Variants in VPS13D observed in about 807,000 individuals in gnomAD.
VPS13D encodes the protein vacuolar protein sorting 13 homolog D.
In VPS13D, 187 loss-of-function variants were observed where a neutral mutation model predicts 461.9. That is an observed-to-expected ratio of 0.40 (90% CI 0.36 to 0.46). The LOEUF (loss-of-function observed/expected upper bound fraction) is 0.46, where lower values mean the gene tolerates loss of function less well. VPS13D is among the 20% of genes least tolerant of loss of function. The pLI is 0.60. For synonymous variants in VPS13D, 1,951 were observed against 1,986.3 expected (o/e 0.98, Z 0.47); for missense variants, 4,711 against 5,364.9 (o/e 0.88, Z 3.81).
intron 67 of VPS13D, among the ~76,000 whole-genome samples, chr1:12,471,610 T>C (rs1347674757): frequency 6.6e-6 from 1 of 152,208 alleles, no homozygotes; most frequent in Non-Finnish European, 1.5e-5. Flanking sequence ...CATGTTGTTA[T>C]ACATACATGT....
chr1:12,234,418 A>ATTT, intron 2 of VPS13D, 55 bp downstream of exon 2: 1 of 1,457,224 alleles, frequency 6.9e-7, no homozygotes, highest in Non-Finnish European at 9.5e-7. Flanking sequence ...CTATTTTTGT[A>ATTT]TTTTTTTTGT....
chr1:12,286,137 G>A (rs936542535), intron 21 of VPS13D, among the ~76,000 whole-genome samples: 5 of 151,494 alleles, frequency 3.3e-5, no homozygotes, highest in African/African-American at 9.7e-5. Context: ...GAGTGCAATG[G>A]CATGATCTTG....
At chr1:12,347,460 G>A (rs146234615) in intron 44 of VPS13D, among the ~76,000 whole-genome samples, 4 of 152,288 alleles carry the variant, frequency 2.6e-5, no homozygotes, top group African/African-American at 9.6e-5. Flanking sequence ...GTGAGCCAAC[G>A]CGCCCAGCCT....
intron 1 of VPS13D, among the ~76,000 whole-genome samples, chr1:12,233,110 A>G (rs992227834): frequency 2.1e-4 from 31 of 150,598 alleles, no homozygotes; most frequent in Admixed American, 2.1e-3. Flanking sequence ...GGTTCAAGGG[A>G]TTCTCCTGCC....
chr1:12,418,334 C>A (rs903688679), intron 65 of VPS13D, among the ~76,000 whole-genome samples: 4 of 152,188 alleles, frequency 2.6e-5, no homozygotes, highest in African/African-American at 9.7e-5. Context: ...TTCCCTTACC[C>A]CTCACGCATC....
Position 12,358,567 on chromosome 1 carries a change from G to A in VPS13D, c.10107G>A (p.Gln3369=), listed in dbSNP as rs765809320. Residue 3369 remains glutamine, a synonymous_variant, in exon 50 of 70, where the codon CAG becomes CAA. Transcript: ENST00000620676. ...GTGTCCGAGCTTTGAAAGTCATCCA[G>A]CAAGGAAACCGCCCAGGGCTGATCT... ...GSGVRALKVI[Q]QGNRPGLIYN... is the part of the protein sequence containing the mutation. 6.2e-7 allele frequency: 1 copy of A among 1,614,014 alleles called. No homozygotes were observed. The highest frequency in any genetic ancestry group is 8.5e-7 in the Non-Finnish European group (1 of 1,180,040).
intron 10 of VPS13D, among the ~76,000 whole-genome samples, chr1:12,259,304 C>T (rs1641025790): frequency 6.6e-6 from 1 of 151,338 alleles, no homozygotes; most frequent in African/African-American, 2.4e-5. Flanking sequence ...TCACCACCCC[C>T]AGCCTACTCT....
chr1:12,296,987 T>C (rs1569840651), intron 24 of VPS13D, among the ~76,000 whole-genome samples: 1 of 152,340 alleles, frequency 6.6e-6, no homozygotes, highest in East Asian at 1.9e-4. Context: ...GTTAAAGGAA[T>C]GTCTTTCTAT....
intron 67 of VPS13D, among the ~76,000 whole-genome samples, chr1:12,463,382 A>C (rs1350203353): frequency 6.6e-6 from 1 of 152,238 alleles, no homozygotes; most frequent in African/African-American, 2.4e-5. Flanking sequence ...GAAGGGATAC[A>C]TAGCAGCCGT....
At chr1:12,405,781 T>C (rs945819125) in intron 63 of VPS13D, among the ~76,000 whole-genome samples, 3 of 152,236 alleles carry the variant, frequency 2.0e-5, no homozygotes, top group Non-Finnish European at 4.4e-5. Flanking sequence ...CCCAGAGCAC[T>C]TGGCACTTGC....
Position 12,272,986 on chromosome 1 carries a change from C to G in VPS13D, c.2104-17C>G, listed in dbSNP as rs762137549. ...GGGTTTCGGCAGTTATGGTTAATGA[C>G]TGTTTTATTTGTACAGGAGGAGAGT... On this transcript the variant is annotated splice_polypyrimidine_tract_variant and intron_variant, in intron 17 of 69. Transcript: ENST00000620676. 8 of 1,610,554 alleles carry G rather than the reference C, an allele frequency of 5.0e-6. No homozygotes were observed. Among genetic ancestry groups the G allele is most frequent in the Non-Finnish European group, 5.1e-6 (6 of 1,178,672 alleles).
At chr1:12,480,989 C>T (rs1645707636) in intron 67 of VPS13D, among the ~76,000 whole-genome samples, 1 of 152,200 alleles carries the variant, frequency 6.6e-6, no homozygotes, top group African/African-American at 2.4e-5. Context: ...CTTCTCTCCA[C>T]CCCAAGGAAC....
intron 44 of VPS13D, among the ~76,000 whole-genome samples, chr1:12,348,164 C>A (rs184230393): frequency 4.6e-5 from 7 of 152,290 alleles, no homozygotes; most frequent in Admixed American, 2.6e-4. Context: ...GCAGACAATT[C>A]TTTCTTTTAC....
chr1:12,272,816 T>G (rs1641491617), intron 17 of VPS13D, among the ~76,000 whole-genome samples, 187 bp from the exon 18 acceptor site: 1 of 152,240 alleles, frequency 6.6e-6, no homozygotes, highest in Non-Finnish European at 1.5e-5. Flanking sequence ...GTTCAGATAC[T>G]TGTCTGTGGT....
At chr1:12,302,136 C>A (rs1169228662) in intron 25 of VPS13D, among the ~76,000 whole-genome samples, 1 of 152,200 alleles carries the variant, frequency 6.6e-6, no homozygotes, top group South Asian at 2.1e-4. Flanking sequence ...TGTATCTGAA[C>A]ATATCTAAAT....
intron 67 of VPS13D, among the ~76,000 whole-genome samples, chr1:12,489,977 C>T (rs1246114966): frequency 6.6e-6 from 1 of 152,236 alleles, no homozygotes; most frequent in Non-Finnish European, 1.5e-5. Context: ...GCTGCCTACT[C>T]TAGTGCTCCC....
At chr1:12,338,210 T>A (rs1643491300) in intron 39 of VPS13D, 21 bp from the exon 40 acceptor site, 2 of 1,602,654 alleles carry the variant, frequency 1.2e-6, no homozygotes. Flanking sequence ...AGCCTCTAAC[T>A]TTGTCTCTCC....
chr1:12,479,693 T>C (rs1645687710), intron 67 of VPS13D, among the ~76,000 whole-genome samples: 1 of 152,102 alleles, frequency 6.6e-6, no homozygotes, highest in Non-Finnish European at 1.5e-5. Context: ...CTGGGCCATC[T>C]CTCGGTCCCT....
At position 12,485,262 on chromosome 1, in the gene VPS13D, C is replaced by T. The variant is rs114880437; in HGVS notation, c.12663-12238C>T. Reference sequence around the variant, plus strand: ...TGAGGACTGTGAAGAGGGTTCTGAGCGGCTGTTCTCTCCTGACCTGACCGC... The same window carrying T: ...TGAGGACTGTGAAGAGGGTTCTGAGTGGCTGTTCTCTCCTGACCTGACCGC... On this transcript the variant is annotated intron_variant, in intron 67 of 69. Coordinates refer to ENST00000620676, the MANE Select transcript of VPS13D (RefSeq NM_015378.4). 3.7e-3 allele frequency among the ~76,000 whole-genome samples: 567 copies of T among 152,344 alleles called. 3 individuals are homozygous for T. The highest frequency in any genetic ancestry group is 0.013 in the African/African-American group (545 of 41,578).
Sources: gnomAD v4.1 joint callset for allele counts (sites outside exome capture counted in the v4.1 genomes callset) on GRCh38, gnomAD v4.1.1 for gene constraint, MANE v1.5 for transcripts, NCBI Gene and HGNC (gene_info 2026-07-23, HGNC 2026-07-21) for gene names.